The following SLCO6A1 variants were observed in gnomAD, a reference collection of about 807,000 sequenced individuals.
The protein encoded by SLCO6A1 is cancer/testis antigen 48.
SLCO6A1 carries 65 observed loss-of-function variants against 72.7 expected under a neutral mutation model. The observed-to-expected ratio is 0.89, with a 90% confidence interval of 0.73 to 1.10. SLCO6A1 has a LOEUF of 1.10. Among genes scored for constraint, SLCO6A1 ranks in the 50% least tolerant of loss-of-function variants. The probability of loss-of-function intolerance (pLI) is 0.00; values close to 1 mark genes in which losing one functional copy is unlikely to be tolerated. For missense variants in SLCO6A1, 874 were observed against 872.6 expected (o/e 1.00, Z -0.02); for synonymous variants, 314 against 298.2 (o/e 1.05, Z -0.55).
At chr5:102,412,345 G>C (rs1290324565) in intron 9 of SLCO6A1, among the ~76,000 whole-genome samples, 18 of 152,020 alleles carry the variant, frequency 1.2e-4, no homozygotes, top group Admixed American at 1.2e-3. Flanking sequence ...CTCATATCTG[G>C]CTGAGAATAA....
chr5:102,376,191 T>C (rs1367198972), intron 12 of SLCO6A1, among the ~76,000 whole-genome samples: 1 of 152,128 alleles, frequency 6.6e-6, no homozygotes, highest in African/African-American at 2.4e-5. Flanking sequence ...AGCAAAAATA[T>C]CTTTCAAAAA....
intron 4 of SLCO6A1, 139 bp downstream of exon 4, chr5:102,475,558 C>A: frequency 1.9e-6 from 1 of 526,132 alleles, no homozygotes; most frequent in Non-Finnish European, 3.3e-6. Context: ...CAAATATGTG[C>A]ATATGTCACA....
chr5:102,398,904 G>T (rs879444793), intron 10 of SLCO6A1, among the ~76,000 whole-genome samples: 1 of 151,766 alleles, frequency 6.6e-6, no homozygotes, highest in African/African-American at 2.4e-5. Flanking sequence ...AATCAACTCA[G>T]ATAGAAATTA....
chr5:102,383,086 A>ATGTGTG (rs141906901), intron 12 of SLCO6A1, among the ~76,000 whole-genome samples: 3 of 116,332 alleles, frequency 2.6e-5, no homozygotes, highest in African/African-American at 1.2e-4. Context: ...GTGTATGTAT[A>ATGTGTG]TGTGTGTGAA....
chr5:102,466,531 A>T (rs1751321590), intron 4 of SLCO6A1, among the ~76,000 whole-genome samples: 1 of 152,032 alleles, frequency 6.6e-6, no homozygotes, highest in Admixed American at 6.6e-5. Context: ...TATCTTTGGT[A>T]TATACCCAGT....
chr5:102,384,088 C>A lies in SLCO6A1; in HGVS notation c.2017+4600G>T, dbSNP rs368830820. On this transcript the variant is annotated intron_variant, in intron 12 of 13. Transcript: ENST00000506729. ...CTTCTCTCTGTTTTTCTTAGTCTAG[C>A]TAAGGGCTTGCCAGTTTAATTTATT... Among the ~76,000 whole-genome samples the A allele has an allele frequency of 1.5e-3, 227 of 151,898 alleles. 6 individuals carry two copies. In the South Asian group the frequency reaches 0.046, roughly 31 times the overall value.
intron 1 of SLCO6A1, among the ~76,000 whole-genome samples, chr5:102,482,450 C>T (rs750607250): frequency 2.6e-5 from 4 of 152,054 alleles, no homozygotes; most frequent in Non-Finnish European, 4.4e-5. Flanking sequence ...CTCTTCTACC[C>T]CTTGATCGCA....
chr5:102,397,546 C>T (rs1200176835), intron 10 of SLCO6A1, among the ~76,000 whole-genome samples: 2 of 152,020 alleles, frequency 1.3e-5, no homozygotes. Flanking sequence ...TTTTTGAGGT[C>T]GGCCATGTCC....
intron 4 of SLCO6A1, among the ~76,000 whole-genome samples, chr5:102,474,059 G>A (rs1329711489): frequency 6.6e-6 from 1 of 151,640 alleles, no homozygotes; most frequent in African/African-American, 2.4e-5. Context: ...AATTCCAATG[G>A]CGTTTTTTAC....
rs1283497302 is a variant in SLCO6A1, at chr5:102,413,251, C to CT, written c.1473-109dup. On this transcript the variant is annotated intron_variant, in intron 8 of 13. Coordinates refer to ENST00000506729, the MANE Select transcript of SLCO6A1 (RefSeq NM_173488.5). ...TAAAATATGCTTATTGAAATAATTT[C>CT]TTTTTTTAACAGCTTTACTGAGGTC... is the stretch of plus-strand genomic sequence containing the variant. 32 of 1,110,950 alleles carry CT rather than the reference C, an allele frequency of 2.9e-5. 1 individual carries two copies. The South Asian group carries it at 4.5e-4, about 16-fold the overall frequency. The allele number at this position is 1,110,950 out of a possible 1,614,324, so 68.8% of individuals were successfully genotyped here.
At chr5:102,427,670 CATT>C (rs976743109) in intron 7 of SLCO6A1, among the ~76,000 whole-genome samples, 1 of 151,132 alleles carries the variant, frequency 6.6e-6, no homozygotes, top group African/African-American at 2.4e-5. Context: ...AGAAAAAGGA[CATT>C]AGGTAAAAAT....
At chr5:102,455,027 T>TATATATATATATATATATATATATATA (rs144619414) in intron 6 of SLCO6A1, among the ~76,000 whole-genome samples, 2 of 141,828 alleles carry the variant, frequency 1.4e-5, no homozygotes, top group African/African-American at 5.4e-5. Context: ...TATATATATA[T>TATATATATATATATATATATATATATA]AAATTATGTT....
intron 1 of SLCO6A1, among the ~76,000 whole-genome samples, chr5:102,484,378 A>T (rs1233575437): frequency 6.6e-6 from 1 of 152,162 alleles, no homozygotes; most frequent in African/African-American, 2.4e-5. Flanking sequence ...GGCTGGGTGC[A>T]GTGGCTCACA....
At chr5:102,454,311 C>A (rs183233853) in intron 6 of SLCO6A1, among the ~76,000 whole-genome samples, 1 of 152,140 alleles carries the variant, frequency 6.6e-6, no homozygotes, top group African/African-American at 2.4e-5. Context: ...AATTTAAATG[C>A]CACAGACCCT....
chr5:102,438,595 G>T lies in SLCO6A1; in HGVS notation c.1276+22C>A. ...TAAGACAGTGCAAAATTTTTGAAAT[G>T]ACAATAAGAAGGTAAATCTACCTGC... is the stretch of plus-strand genomic sequence containing the variant. On this transcript the variant is annotated intron_variant, in intron 7 of 13. Coordinates refer to ENST00000506729, the MANE Select transcript of SLCO6A1 (RefSeq NM_173488.5). 3 of 1,568,518 alleles carry T rather than the reference G, an allele frequency of 1.9e-6. No homozygotes were observed. In the South Asian group the frequency reaches 3.7e-5, roughly 19 times the overall value.
At chr5:102,451,537 T>C (rs2112726489) in intron 6 of SLCO6A1, among the ~76,000 whole-genome samples, 1 of 152,322 alleles carries the variant, frequency 6.6e-6, no homozygotes, top group East Asian at 1.9e-4. Context: ...ACAGGCTCCA[T>C]GCAGCTCTTC....
chr5:102,385,146 C>G (rs541432818), intron 12 of SLCO6A1, among the ~76,000 whole-genome samples: 2 of 152,258 alleles, frequency 1.3e-5, no homozygotes, highest in East Asian at 3.9e-4. Flanking sequence ...ATTCTACTGT[C>G]TCTTGGCCTG....
intron 12 of SLCO6A1, among the ~76,000 whole-genome samples, chr5:102,384,106 A>C (rs1220375049): frequency 2.6e-5 from 4 of 151,634 alleles, no homozygotes; most frequent in Non-Finnish European, 4.4e-5. Flanking sequence ...TTGCCAGTTT[A>C]ATTTATTTTA....
At chr5:102,397,822 T>A (rs986592513) in intron 10 of SLCO6A1, among the ~76,000 whole-genome samples, 1 of 152,174 alleles carries the variant, frequency 6.6e-6, no homozygotes, top group Admixed American at 6.5e-5. Flanking sequence ...AATTTCAACT[T>A]TGTCATTTTT....
Sources: gnomAD v4.1 joint callset for allele counts (sites outside exome capture counted in the v4.1 genomes callset) on GRCh38, gnomAD v4.1.1 for gene constraint, MANE v1.5 for transcripts, NCBI Gene and HGNC (gene_info 2026-07-23, HGNC 2026-07-21) for gene names.